RABGEF1: variants seen among roughly 807,000 people sequenced by gnomAD.
The protein encoded by RABGEF1 is RAB guanine nucleotide exchange factor 1.
RABGEF1 carries 26 observed loss-of-function variants against 57.3 expected under a neutral mutation model. The observed-to-expected ratio is 0.45, with a 90% CI of 0.33 to 0.63. The LOEUF (loss-of-function observed/expected upper bound fraction) is 0.63, where lower values mean the gene tolerates loss of function less well. RABGEF1 is among the 20% of genes least tolerant of loss of function. The pLI, the probability that RABGEF1 is intolerant of heterozygous loss-of-function variation, is 0.02. For missense variants in RABGEF1, 464 were observed against 607.6 expected (o/e 0.76, Z 2.48); for synonymous variants, 185 against 210.7 (o/e 0.88, Z 1.06).
chr7:66,755,181 C>G (rs576631456), intron 1 of RABGEF1, among the ~76,000 whole-genome samples: 1 of 152,302 alleles, frequency 6.6e-6, no homozygotes, highest in East Asian at 1.9e-4. Context: ...GTAGTCCCAG[C>G]TCCTCTGGAG....
chr7:66,671,709 C>T, the RABGEF1 span, among the ~76,000 whole-genome samples: 90 of 152,114 alleles, frequency 5.9e-4, 1 homozygote, highest in South Asian at 0.012. Context: ...ATAGTCACAG[C>T]TACTTGTGAG....
the RABGEF1 span, among the ~76,000 whole-genome samples, chr7:66,660,027 C>T: frequency 6.6e-6 from 1 of 151,122 alleles, no homozygotes; most frequent in African/African-American, 2.4e-5. Flanking sequence ...AAAAAGAAGA[C>T]TCAAATATCC....
At chr7:66,757,963 G>A (rs1166173973) in intron 1 of RABGEF1, among the ~76,000 whole-genome samples, 1 of 151,898 alleles carries the variant, frequency 6.6e-6, no homozygotes, top group Non-Finnish European at 1.5e-5. Flanking sequence ...TGTAAATAAT[G>A]AGTATTCCAT....
chr7:66,761,875 A>AC (rs1172793884), intron 1 of RABGEF1, among the ~76,000 whole-genome samples: 5 of 152,000 alleles, frequency 3.3e-5, no homozygotes, highest in African/African-American at 1.2e-4. Flanking sequence ...ACATGGTGAA[A>AC]CCCCATCTCT....
the RABGEF1 span, among the ~76,000 whole-genome samples, chr7:66,674,192 C>CCTT: frequency 1.4e-4 from 19 of 139,330 alleles, no homozygotes; most frequent in South Asian, 2.3e-4. Flanking sequence ...CCACTAAAGG[C>CCTT]TTTTTTTTTT....
chr7:66,771,915 G>A lies in RABGEF1; in HGVS notation c.16G>A (p.Glu6Lys). 4.5e-6 allele frequency: 7 copies of A among 1,553,888 alleles called. No individual in the cohort carries two copies. Among genetic ancestry groups the A allele is most frequent in the Non-Finnish European group, 6.1e-6 (7 of 1,149,168 alleles). The change falls in exon 2 of 9, where the codon GAA (glutamate) becomes AAA (lysine). Residue 6 changes from glutamate to lysine, a missense_variant. Physicochemically the swap from Glu to Lys is moderately conservative, Grantham distance 56. Coordinates refer to ENST00000284957, the MANE Select transcript of RABGEF1 (RefSeq NM_014504.3). Reference sequence around the variant, plus strand: ...CAGGAAGAAGATGAGCCTTAAGTCTGAACGCCGAGGAATTCATGTGGATCA... The same window carrying A: ...CAGGAAGAAGATGAGCCTTAAGTCTAAACGCCGAGGAATTCATGTGGATCA... MSLKS[E>K]RRGIHVDQSD...
At chr7:66,663,450 C>T in the RABGEF1 span, among the ~76,000 whole-genome samples, 4 of 152,058 alleles carry the variant, frequency 2.6e-5, no homozygotes, top group East Asian at 5.8e-4. Flanking sequence ...TGGTGGTGGG[C>T]GCCTGTAATC....
chr7:66,710,782 T>C (rs1166089982), intron 1 of RABGEF1, among the ~76,000 whole-genome samples: 2 of 152,198 alleles, frequency 1.3e-5, no homozygotes, highest in African/African-American at 4.8e-5. Context: ...ACAAGTCTTT[T>C]GTTGGGTATA....
At position 66,808,943 on chromosome 7, in the gene RABGEF1, G is replaced by A. The variant is rs1789074828; in HGVS notation, c.1135G>A (p.Glu379Lys). ...CGCCCAGTCTTTGAATCTAAGTCAGGAGGATTTTGATCGCTACATGTCTGG... is the reference window on the plus strand; with the variant it reads ...CGCCCAGTCTTTGAATCTAAGTCAGAAGGATTTTGATCGCTACATGTCTGG... ...LDAQSLNLSQ[E>K]DFDRYMSGQT... Residue 379 changes from glutamate (E) to lysine (K), a missense_variant, in exon 9 of 9, where the codon GAG becomes AAG. Glu to Lys is a moderately conservative substitution (Grantham distance 56). This residue lies in a region of RABGEF1 where 151 missense variants were observed against 152.2 expected (regional missense o/e 0.99). Transcript: ENST00000284957. 1 of 1,613,040 alleles carries A rather than the reference G, an allele frequency of 6.2e-7. No homozygotes were observed. The highest frequency in any genetic ancestry group is 8.5e-7 in the Non-Finnish European group (1 of 1,179,084).
intron 2 of RABGEF1, among the ~76,000 whole-genome samples, chr7:66,733,489 G>A (rs1219379468): frequency 6.6e-6 from 1 of 151,980 alleles, no homozygotes; most frequent in Non-Finnish European, 1.5e-5. Flanking sequence ...AGGAGATCAG[G>A]AGTTCAAAAC....
chr7:66,773,920 C>T, intron 2 of RABGEF1: 1 of 408,868 alleles, frequency 2.4e-6, no homozygotes, highest in Non-Finnish European at 4.9e-6. Flanking sequence ...GCCGCCTTGG[C>T]CTCCCAGTGT....
At chr7:66,750,610 A>G (rs1044727181) in intron 1 of RABGEF1, among the ~76,000 whole-genome samples, 2 of 152,216 alleles carry the variant, frequency 1.3e-5, no homozygotes, top group Admixed American at 1.3e-4. Context: ...TTCTAGTGCT[A>G]TAAATATATT....
upstream of RABGEF1, chr7:66,682,024 C>T (rs1464609716): frequency 6.1e-6 from 1 of 163,404 alleles, no homozygotes; most frequent in South Asian, 2.1e-4. Context: ...GCCTTTGGAT[C>T]CCGCTCGCAC....
chr7:66,788,522 A>G (rs1314322689), intron 4 of RABGEF1, among the ~76,000 whole-genome samples: 1 of 152,088 alleles, frequency 6.6e-6, no homozygotes, highest in African/African-American at 2.4e-5. Context: ...TTATTTTTTT[A>G]ATTTGTATTA....
the RABGEF1 span, among the ~76,000 whole-genome samples, chr7:66,671,533 CAAT>C: frequency 6.6e-6 from 1 of 151,880 alleles, no homozygotes; most frequent in African/African-American, 2.4e-5. Context: ...TAGTTTAAAG[CAAT>C]AAAAAAAAGA....
At chr7:66,662,753 G>T in the RABGEF1 span, among the ~76,000 whole-genome samples, 1 of 152,100 alleles carries the variant, frequency 6.6e-6, no homozygotes, top group Non-Finnish European at 1.5e-5. Context: ...AGGCACGTGT[G>T]TGCAGGTGTG....
At chr7:66,697,320 C>T (rs757845830) in intron 1 of RABGEF1, among the ~76,000 whole-genome samples, 32 of 152,178 alleles carry the variant, frequency 2.1e-4, no homozygotes, top group Non-Finnish European at 3.8e-4. Context: ...TGCAGCGTGG[C>T]GTCTCACAAG....
intron 1 of RABGEF1, among the ~76,000 whole-genome samples, chr7:66,691,927 C>T (rs2659914): frequency 0.38 from 57,460 of 151,746 alleles, 11,380 homozygotes; most frequent in Middle Eastern, 0.57. Context: ...TGTGCTGGCA[C>T]GCATCTGTAG....
chr7:66,803,347 A>G (rs117032279), intron 7 of RABGEF1, among the ~76,000 whole-genome samples: 2,229 of 152,294 alleles, frequency 0.015, 60 homozygotes, highest in East Asian at 0.093. Context: ...GGTATACCCC[A>G]CCGCCTGGCC....
Sources: allele counts gnomAD v4.1 joint callset (sites outside exome capture counted in the v4.1 genomes callset), GRCh38; gene constraint gnomAD v4.1.1; regional missense constraint gnomAD v4.1.1; transcripts MANE v1.5; gene names NCBI Gene and HGNC (gene_info 2026-07-23, HGNC 2026-07-21).